The following TBCK variants were observed in gnomAD, a reference collection of about 807,000 sequenced individuals.
The protein encoded by TBCK is TBC domain-containing protein kinase-like protein.
Under a neutral mutation model 113.4 loss-of-function variants are expected in TBCK, and 99 were observed. The observed-to-expected ratio is 0.87, with a 90% CI of 0.74 to 1.03. The LOEUF (loss-of-function observed/expected upper bound fraction) is 1.03, where lower values mean the gene tolerates loss of function less well. Among genes scored for constraint, TBCK ranks in the 50% least tolerant of loss-of-function variants. TBCK has a pLI of 0.00. For synonymous variants in TBCK, 369 were observed against 370.8 expected (o/e 1.00, Z 0.05); for missense variants, 1,045 against 1,061.3 (o/e 0.98, Z 0.21).
intron 23 of TBCK, among the ~76,000 whole-genome samples, chr4:106,155,959 T>C (rs1303656880): frequency 6.6e-6 from 1 of 152,130 alleles, no homozygotes; most frequent in Non-Finnish European, 1.5e-5. Context: ...TTCATCTGTG[T>C]CTGGACATTG....
chr4:106,079,314 T>A (rs1167679378), intron 25 of TBCK, among the ~76,000 whole-genome samples: 1 of 152,120 alleles, frequency 6.6e-6, no homozygotes, highest in East Asian at 1.9e-4. Flanking sequence ...GCACTGGAAG[T>A]CTTAGCCAGG....
chr4:106,152,879 A>G (rs1748666507), intron 23 of TBCK, among the ~76,000 whole-genome samples: 2 of 151,984 alleles, frequency 1.3e-5, no homozygotes. Context: ...AGTTGCTCGC[A>G]GCAGCTGCTA....
intron 25 of TBCK, among the ~76,000 whole-genome samples, chr4:106,054,333 T>C (rs1019668961): frequency 4.0e-5 from 6 of 151,672 alleles, no homozygotes; most frequent in Non-Finnish European, 8.9e-5. Flanking sequence ...GTATAATCTT[T>C]CTCTACATGA....
chr4:106,042,382 C>G lies in TBCK; in HGVS notation c.*4188G>C, dbSNP rs568418099. ...AGATTTTTTTTTTTCTTTTTTGAGA[C>G]GGAGTCTCACTCTGTCTCCCAGGCT... On this transcript the variant is annotated 3_prime_UTR_variant, in exon 26 of 26. Coordinates refer to ENST00000394708, the MANE Select transcript of TBCK (RefSeq NM_001163435.3). 6.6e-6 allele frequency: 1 copy of G among 151,368 alleles called. No individual in the cohort carries two copies. Among genetic ancestry groups the G allele is most frequent in the South Asian group, 2.1e-4 (1 of 4,800 alleles). 9.4% of individuals were successfully genotyped at this position (151,368 alleles called of 1,614,324 possible).
chr4:106,194,407 C>A (rs1490731444), intron 21 of TBCK, among the ~76,000 whole-genome samples: 1 of 151,840 alleles, frequency 6.6e-6, no homozygotes, highest in African/African-American at 2.4e-5. Flanking sequence ...GAAAATTAAG[C>A]CTGATTTGAT....
At chr4:106,247,491 T>C (rs1760972356) in intron 9 of TBCK, 2 of 481,876 alleles carry the variant, frequency 4.2e-6, no homozygotes, top group Non-Finnish European at 3.6e-6. Flanking sequence ...TTTTTACTTA[T>C]GTTGTACTTT....
intron 25 of TBCK, among the ~76,000 whole-genome samples, chr4:106,094,114 C>G (rs184782530): frequency 1.3e-5 from 2 of 152,110 alleles, no homozygotes; most frequent in Admixed American, 1.3e-4. Flanking sequence ...AAATCAATAG[C>G]CTAGTTCCTT....
chr4:106,142,889 C>T (rs2149656895), intron 23 of TBCK, among the ~76,000 whole-genome samples: 1 of 152,262 alleles, frequency 6.6e-6, no homozygotes, highest in South Asian at 2.1e-4. Flanking sequence ...TAAAAACTGT[C>T]ACCAGCATAA....
intron 1 of TBCK, among the ~76,000 whole-genome samples, chr4:106,313,241 TG>T (rs1291883933): frequency 6.6e-6 from 1 of 152,066 alleles, no homozygotes; most frequent in Non-Finnish European, 1.5e-5. Flanking sequence ...TCAGCAATAA[TG>T]AAAGTCAGAA....
At chr4:106,175,770 C>T (rs1049022635) in intron 22 of TBCK, among the ~76,000 whole-genome samples, 3 of 152,154 alleles carry the variant, frequency 2.0e-5, no homozygotes, top group Non-Finnish European at 4.4e-5. Context: ...CTCCATTATA[C>T]TTCCTTGATA....
intron 23 of TBCK, among the ~76,000 whole-genome samples, chr4:106,142,411 A>G (rs1259830152): frequency 6.6e-6 from 1 of 152,186 alleles, no homozygotes; most frequent in African/African-American, 2.4e-5. Flanking sequence ...TAGCACCTGT[A>G]CAAAGCAGGT....
At chr4:106,245,242 A>G (rs148138019) in intron 10 of TBCK, among the ~76,000 whole-genome samples, 1,660 of 152,302 alleles carry the variant, frequency 0.011, 19 homozygotes, top group Non-Finnish European at 0.014. Flanking sequence ...AGGTTCTCAC[A>G]GTAAATATTG....
chr4:106,088,221 T>C (rs1739741173), intron 25 of TBCK, among the ~76,000 whole-genome samples: 1 of 151,976 alleles, frequency 6.6e-6, no homozygotes, highest in African/African-American at 2.4e-5. Context: ...AGGTCTAACA[T>C]CCAGAATTTA....
chr4:106,300,400 GT>G (rs999879342), intron 2 of TBCK, among the ~76,000 whole-genome samples: 2 of 151,962 alleles, frequency 1.3e-5, no homozygotes, highest in African/African-American at 4.8e-5. Flanking sequence ...TAAAGTAGTG[GT>G]TTTTTTGTTT....
intron 3 of TBCK, among the ~76,000 whole-genome samples, chr4:106,272,267 A>G (rs1763570186): frequency 6.6e-6 from 1 of 152,162 alleles, no homozygotes; most frequent in South Asian, 2.1e-4. Flanking sequence ...TAAATATAAC[A>G]TGCTTATAGA....
intron 20 of TBCK, among the ~76,000 whole-genome samples, chr4:106,198,438 T>G (rs1428034904): frequency 6.6e-6 from 1 of 152,134 alleles, no homozygotes; most frequent in Non-Finnish European, 1.5e-5. Flanking sequence ...GCAGATTTAC[T>G]ATGATCTGAA....
chr4:106,133,203 A>G (rs1746161637), intron 23 of TBCK, among the ~76,000 whole-genome samples: 1 of 152,190 alleles, frequency 6.6e-6, no homozygotes, highest in African/African-American at 2.4e-5. Context: ...GGGTGGGGTC[A>G]GGTGGAAATA....
chr4:106,198,872 A>T (rs1754558038), intron 20 of TBCK, among the ~76,000 whole-genome samples: 1 of 152,142 alleles, frequency 6.6e-6, no homozygotes, highest in Non-Finnish European at 1.5e-5. Flanking sequence ...CGACAATACA[A>T]GTTCTGGTAT....
intron 19 of TBCK, among the ~76,000 whole-genome samples, chr4:106,214,609 G>A (rs899157339): frequency 2.0e-5 from 3 of 152,114 alleles, no homozygotes; most frequent in Non-Finnish European, 4.4e-5. Context: ...GGAAGAAAGG[G>A]TATCAGCAAT....
Sources: gnomAD v4.1 joint callset for allele counts (sites outside exome capture counted in the v4.1 genomes callset) on GRCh38, gnomAD v4.1.1 for gene constraint, MANE v1.5 for transcripts, NCBI Gene and HGNC (gene_info 2026-07-23, HGNC 2026-07-21) for gene names.